PPHLN1: variants seen among roughly 807,000 people sequenced by gnomAD.
PPHLN1 encodes the protein periphilin 1, also known as periphilin-1.
PPHLN1 carries 29 observed loss-of-function variants against 51.3 expected under a neutral mutation model. That is an observed-to-expected ratio of 0.57 (90% CI 0.42 to 0.77). The LOEUF is 0.77. Ranked by LOEUF, PPHLN1 falls within the 30% of genes least tolerant of loss-of-function variation. The probability of loss-of-function intolerance (pLI) is 0.00; values close to 1 mark genes in which losing one functional copy is unlikely to be tolerated. For missense variants in PPHLN1, 436 were observed against 438.4 expected, an observed-to-expected ratio of 0.99 and a Z score of 0.05; for synonymous variants, 147 against 147.8, an observed-to-expected ratio of 0.99 and a Z score of 0.04.
intron 9 of PPHLN1, among the ~76,000 whole-genome samples, chr12:42,426,192 ACAC>A: frequency 1.4e-5 from 2 of 138,082 alleles, no homozygotes; most frequent in Non-Finnish European, 3.1e-5. Flanking sequence ...ACACACACAC[ACAC>A]ACACACACAC....
intron 9 of PPHLN1, among the ~76,000 whole-genome samples, chr12:42,409,847 A>C (rs905869250): frequency 6.6e-6 from 1 of 151,998 alleles, no homozygotes; most frequent in Non-Finnish European, 1.5e-5. Context: ...ATTGTCTTCT[A>C]TTGGGGGTCT....
rs140180916 is a variant in PPHLN1, at chr12:42,379,447, G to GT, written c.511+4383dup. On this transcript the variant is annotated intron_variant, in intron 5 of 9. Transcript: ENST00000358314. ...GGAGGAGTACTATCATATTCTTCAT[G>GT]TTTTTTTTTTCCAGGTTTAAATATA... 8.1e-3 allele frequency among the ~76,000 whole-genome samples: 1,192 copies of GT among 147,938 alleles called. 13 individuals are homozygous for GT. The highest frequency in any genetic ancestry group is 0.026 in the African/African-American group (1,058 of 40,600).
intron 9 of PPHLN1, among the ~76,000 whole-genome samples, chr12:42,414,091 C>T (rs1303482248): frequency 6.6e-6 from 1 of 152,012 alleles, no homozygotes; most frequent in Non-Finnish European, 1.5e-5. Context: ...GGCTGGAGTT[C>T]AATGGCACCA....
At chr12:42,329,310 T>G (rs550122358) in intron 1 of PPHLN1, among the ~76,000 whole-genome samples, 36 of 152,144 alleles carry the variant, frequency 2.4e-4, no homozygotes, top group African/African-American at 4.1e-4. Flanking sequence ...TTTCACCGTG[T>G]TAGCCAGTAT....
chr12:42,327,879 A>G (rs2069054874), intron 1 of PPHLN1, among the ~76,000 whole-genome samples: 1 of 152,196 alleles, frequency 6.6e-6, no homozygotes, highest in Non-Finnish European at 1.5e-5. Flanking sequence ...GTCACCTGCC[A>G]CTCAGCTACA....
chr12:42,446,168 T>A, downstream of PPHLN1: 1 of 1,607,488 alleles, frequency 6.2e-7, no homozygotes. Context: ...AGACATTACC[T>A]GGGGGATGCT....
At chr12:42,347,480 A>G (rs981100026) in intron 2 of PPHLN1, among the ~76,000 whole-genome samples, 7 of 152,200 alleles carry the variant, frequency 4.6e-5, no homozygotes, top group Admixed American at 6.5e-5. Flanking sequence ...AATTTCAACA[A>G]TATAATCTTT....
chr12:42,408,896 AC>A (rs1212496017), intron 9 of PPHLN1, among the ~76,000 whole-genome samples: 1 of 152,194 alleles, frequency 6.6e-6, no homozygotes, highest in Non-Finnish European at 1.5e-5. Flanking sequence ...TAGTTCTCCC[AC>A]TTAACTGGGT....
chr12:42,393,672 G>C lies in PPHLN1; in HGVS notation c.751G>C (p.Glu251Gln). The C allele has an allele frequency of 6.2e-7, 1 of 1,607,782 alleles. No homozygotes were observed. Among genetic ancestry groups the C allele is most frequent in the Non-Finnish European group, 8.5e-7 (1 of 1,178,052 alleles). The part of the protein sequence containing the change: ...LEKSDESNLP[E>Q]ISEYEAGSTA... The stretch of plus-strand genomic sequence containing the variant: ...GAAATCAGATGAAAGTAACTTGCCT[G>C]AAATTTCTGAGTATGAGGTAAGGCA... Residue 251 changes from glutamate (E) to glutamine (Q), a missense_variant, in exon 8 of 10, where the codon GAA (glutamate) becomes CAA (glutamine). By Grantham distance (29) the Glu-to-Gln change is conservative. Transcript: ENST00000358314.
intron 9 of PPHLN1, among the ~76,000 whole-genome samples, chr12:42,439,294 G>T (rs939872174): frequency 2.0e-5 from 3 of 152,220 alleles, no homozygotes; most frequent in Non-Finnish European, 4.4e-5. Flanking sequence ...TGCTCAACTT[G>T]TTGAAGTTCA....
chr12:42,407,433 C>T (rs2079412245), intron 9 of PPHLN1, among the ~76,000 whole-genome samples: 2 of 152,214 alleles, frequency 1.3e-5, no homozygotes, highest in South Asian at 4.1e-4. Context: ...TCCACTAGAG[C>T]TAGTGACCTA....
chr12:42,384,872 G>C, intron 5 of PPHLN1, 68 bp from the exon 6 acceptor site: 5 of 1,456,098 alleles, frequency 3.4e-6, no homozygotes, highest in Non-Finnish European at 3.9e-6. Context: ...CTACTTCTGA[G>C]TTCTTCTCTT....
chr12:42,326,915 C>T (rs2068870621), intron 1 of PPHLN1, among the ~76,000 whole-genome samples: 1 of 152,218 alleles, frequency 6.6e-6, no homozygotes, highest in African/African-American at 2.4e-5. Flanking sequence ...CACAGCCTCT[C>T]CTGGAGCCTG....
rs773168510 is a variant in PPHLN1, at chr12:42,441,675, T to A, written c.*166T>A. The A allele has an allele frequency of 7.8e-7, 1 of 1,276,962 alleles. No homozygotes were observed. Among genetic ancestry groups the A allele is most frequent in the Non-Finnish European group, 1.0e-6 (1 of 998,698 alleles). The allele number at this position is 1,276,962 out of a possible 1,614,324, so 79.1% of individuals were successfully genotyped here. ...AACATCTAAAATAGTCTGTTTAAAA[T>A]GTTTGATTCAAATTTTTGTATTTTT... On this transcript the variant is annotated 3_prime_UTR_variant, in exon 10 of 10. Transcript: ENST00000358314.
intron 9 of PPHLN1, among the ~76,000 whole-genome samples, chr12:42,401,091 G>A (rs1484201263): frequency 6.6e-6 from 1 of 152,124 alleles, no homozygotes; most frequent in African/African-American, 2.4e-5. Context: ...ATCAGAATGT[G>A]AGTTTGCAGA....
chr12:42,420,059 T>TA (rs1444284190), intron 9 of PPHLN1, among the ~76,000 whole-genome samples: 2 of 151,784 alleles, frequency 1.3e-5, no homozygotes, highest in Non-Finnish European at 2.9e-5. Flanking sequence ...CATCAAAAAA[T>TA]AGAGTACAGA....
intron 4 of PPHLN1, among the ~76,000 whole-genome samples, chr12:42,356,584 T>A (rs769542790): frequency 6.6e-6 from 1 of 152,212 alleles, no homozygotes; most frequent in African/African-American, 2.4e-5. Flanking sequence ...ATGGCAATTA[T>A]GTGCAGGGAC....
intron 1 of PPHLN1, among the ~76,000 whole-genome samples, chr12:42,327,438 T>A (rs2137581321): frequency 2.0e-5 from 3 of 152,348 alleles, no homozygotes; most frequent in Middle Eastern, 3.4e-3. Context: ...CGGATTTCAA[T>A]TCCTCAGAAT....
chr12:42,383,351 A>G (rs1057188690), intron 5 of PPHLN1, among the ~76,000 whole-genome samples: 3 of 152,234 alleles, frequency 2.0e-5, no homozygotes, highest in Non-Finnish European at 4.4e-5. Flanking sequence ...AGGAGCTAAT[A>G]TGAATTGGCC....
Sources: allele counts gnomAD v4.1 joint callset (sites outside exome capture counted in the v4.1 genomes callset), GRCh38; gene constraint gnomAD v4.1.1; transcripts MANE v1.5; gene names NCBI Gene and HGNC (gene_info 2026-07-23, HGNC 2026-07-21).